Variants in CWC27 observed in about 807,000 individuals in gnomAD.
The protein encoded by CWC27 is spliceosome-associated protein CWC27 homolog.
A neutral mutation model predicts 63.6 loss-of-function variants in CWC27; 47 were observed. The ratio of observed to expected loss-of-function variants is 0.74; its 90% CI spans 0.58 to 0.94. The LOEUF is 0.94. CWC27 is among the 40% of genes least tolerant of loss of function. CWC27 has a pLI of 0.00. For synonymous variants in CWC27, 175 were observed against 179.8 expected (o/e 0.97, Z 0.22); for missense variants, 495 against 554.3 (o/e 0.89, Z 1.07).
chr5:65,015,380 C>G lies in CWC27; in HGVS notation c.1257-2779C>G, dbSNP rs144883535. Among the ~76,000 whole-genome samples the G allele has an allele frequency of 5.9e-5, 9 of 152,238 alleles. No individual in the cohort carries two copies. In the East Asian group the frequency reaches 1.7e-3, roughly 29 times the overall value. ...TGTATATGAAGAGGTATTAATAAGA[C>G]AGTAAGTTTGTTTTCTCATATCAAT... On this transcript the variant is annotated intron_variant, in intron 13 of 13. Transcript: ENST00000381070.
At chr5:64,771,320 G>T (rs1368618936) in intron 1 of CWC27, among the ~76,000 whole-genome samples, 1 of 152,174 alleles carries the variant, frequency 6.6e-6, no homozygotes, top group Non-Finnish European at 1.5e-5. Flanking sequence ...TGCTGAAAGC[G>T]TACAGAGACA....
intron 11 of CWC27, among the ~76,000 whole-genome samples, chr5:64,953,217 G>A (rs1272357268): frequency 1.3e-5 from 2 of 152,104 alleles, no homozygotes; most frequent in African/African-American, 2.4e-5. Context: ...ATTTCTCAAT[G>A]TTGGCTTGCT....
intron 11 of CWC27, among the ~76,000 whole-genome samples, chr5:64,953,298 C>G (rs1480667679): frequency 1.3e-5 from 2 of 151,990 alleles, no homozygotes; most frequent in African/African-American, 2.4e-5. Context: ...TCACTACATA[C>G]CTTGAAGGCC....
intron 10 of CWC27, among the ~76,000 whole-genome samples, chr5:64,849,170 C>G (rs962415241): frequency 2.7e-5 from 4 of 150,494 alleles, no homozygotes; most frequent in African/African-American, 9.8e-5. Flanking sequence ...CACTTCTGTA[C>G]ACTAACAATG....
At chr5:64,964,454 A>G (rs1748976905) in intron 11 of CWC27, among the ~76,000 whole-genome samples, 1 of 152,228 alleles carries the variant, frequency 6.6e-6, no homozygotes, top group African/African-American at 2.4e-5. Context: ...TTAGAATGAA[A>G]TGTCATTTCC....
intron 13 of CWC27, among the ~76,000 whole-genome samples, chr5:64,984,433 C>T (rs1749385029): frequency 6.6e-6 from 1 of 152,168 alleles, no homozygotes; most frequent in South Asian, 2.1e-4. Flanking sequence ...ATACTGTTAC[C>T]ACTGGTTAGC....
intron 10 of CWC27, among the ~76,000 whole-genome samples, chr5:64,870,690 A>G (rs1206831913): frequency 6.6e-6 from 1 of 152,092 alleles, no homozygotes; most frequent in Non-Finnish European, 1.5e-5. Context: ...TTTTCTAAAC[A>G]GAAATAAATT....
intron 10 of CWC27, among the ~76,000 whole-genome samples, chr5:64,839,336 G>C (rs1023694132): frequency 6.6e-6 from 1 of 152,286 alleles, no homozygotes; most frequent in African/African-American, 2.4e-5. Context: ...AGTTTGAAAG[G>C]CTATAGTATA....
At chr5:64,850,234 A>AAAAAAAAAAAAAAAAACT (rs1554072535) in intron 10 of CWC27, among the ~76,000 whole-genome samples, 1 of 151,890 alleles carries the variant, frequency 6.6e-6, no homozygotes, top group Non-Finnish European at 1.5e-5. Context: ...CCAAAAAAAA[A>AAAAAAAAAAAAAAAAACT]GACCCGTCAA....
At chr5:64,858,714 C>T (rs1746324480) in intron 10 of CWC27, among the ~76,000 whole-genome samples, 1 of 151,626 alleles carries the variant, frequency 6.6e-6, no homozygotes, top group Non-Finnish European at 1.5e-5. Context: ...ATAACACTCA[C>T]TAGATTGACA....
chr5:64,962,591 A>T (rs1395439096), intron 11 of CWC27, among the ~76,000 whole-genome samples: 3 of 152,246 alleles, frequency 2.0e-5, no homozygotes, highest in Non-Finnish European at 4.4e-5. Context: ...AAAGACTCTT[A>T]TGAAAAAGCC....
intron 11 of CWC27, among the ~76,000 whole-genome samples, chr5:64,928,080 G>A (rs1039614973): frequency 2.0e-5 from 3 of 151,910 alleles, no homozygotes; most frequent in Non-Finnish European, 1.5e-5. Flanking sequence ...AGTTGAACAC[G>A]GGAGGCCAAG....
At chr5:64,783,396 G>T (rs1029577333) in intron 3 of CWC27, among the ~76,000 whole-genome samples, 4 of 152,122 alleles carry the variant, frequency 2.6e-5, no homozygotes, top group Admixed American at 1.3e-4. Context: ...TAGATTATTT[G>T]AATTAAAAAA....
At chr5:64,802,561 A>G (rs1220633016) in intron 9 of CWC27, among the ~76,000 whole-genome samples, 1 of 152,194 alleles carries the variant, frequency 6.6e-6, no homozygotes, top group African/African-American at 2.4e-5. Flanking sequence ...AAGCTATTGT[A>G]GGAGGAGAGC....
chr5:64,994,393 T>C (rs188526076), intron 13 of CWC27, among the ~76,000 whole-genome samples: 1 of 152,356 alleles, frequency 6.6e-6, no homozygotes, highest in African/African-American at 2.4e-5. Flanking sequence ...TCATCCCATT[T>C]TTAATTATAA....
At chr5:64,974,500 C>G (rs145119692) in intron 12 of CWC27, among the ~76,000 whole-genome samples, 1 of 152,096 alleles carries the variant, frequency 6.6e-6, no homozygotes, top group Non-Finnish European at 1.5e-5. Flanking sequence ...TTCGCTATCA[C>G]GAGAATAGCA....
At chr5:64,810,372 A>T (rs1286269421) in intron 10 of CWC27, among the ~76,000 whole-genome samples, 1 of 152,036 alleles carries the variant, frequency 6.6e-6, no homozygotes, top group East Asian at 1.9e-4. Context: ...TGCTTAGGCT[A>T]TTTGGGGTCT....
intron 11 of CWC27, among the ~76,000 whole-genome samples, chr5:64,886,328 G>T (rs1580703420): frequency 6.6e-6 from 1 of 152,006 alleles, no homozygotes; most frequent in Non-Finnish European, 1.5e-5. Context: ...GTGATAAATT[G>T]TATTGTCCAT....
At chr5:65,005,321 G>A (rs551516740) in intron 13 of CWC27, among the ~76,000 whole-genome samples, 2 of 152,214 alleles carry the variant, frequency 1.3e-5, no homozygotes, top group Non-Finnish European at 2.9e-5. Context: ...CACTGACGGT[G>A]GCAGTGAGGA....
Sources: allele counts gnomAD v4.1 joint callset (sites outside exome capture counted in the v4.1 genomes callset), GRCh38; gene constraint gnomAD v4.1.1; transcripts MANE v1.5; gene names NCBI Gene and HGNC (gene_info 2026-07-23, HGNC 2026-07-21).